The following PTPRN2 variants were observed in gnomAD, a reference collection of about 807,000 sequenced individuals.
The protein encoded by PTPRN2 is protein tyrosine phosphatase receptor type N2.
PTPRN2 carries 74 observed loss-of-function variants against 118.8 expected under a neutral mutation model. The observed-to-expected ratio is 0.62, with a 90% CI of 0.52 to 0.76. The LOEUF is 0.76. Among genes scored for constraint, PTPRN2 ranks in the 30% least tolerant of loss-of-function variants. The probability of loss-of-function intolerance (pLI) is 0.00; values close to 1 mark genes in which losing one functional copy is unlikely to be tolerated. For missense variants in PTPRN2, 1,481 were observed against 1,394.4 expected (o/e 1.06, Z -0.99); for synonymous variants, 641 against 608.0 (o/e 1.05, Z -0.80).
At chr7:158,048,813 A>C (rs1304709391) in intron 11 of PTPRN2, among the ~76,000 whole-genome samples, 4 of 151,914 alleles carry the variant, frequency 2.6e-5, no homozygotes, top group African/African-American at 9.7e-5. Flanking sequence ...CACCATCACT[A>C]TCATCATCAC....
chr7:158,190,971 C>T (rs1292619272), intron 5 of PTPRN2, among the ~76,000 whole-genome samples: 1 of 152,264 alleles, frequency 6.6e-6, no homozygotes, highest in Non-Finnish European at 1.5e-5. Context: ...CCTGCTAAGA[C>T]ACAGAAGTGC....
At chr7:158,304,767 C>T (rs1290962203) in intron 3 of PTPRN2, among the ~76,000 whole-genome samples, 1 of 152,092 alleles carries the variant, frequency 6.6e-6, no homozygotes, top group Non-Finnish European at 1.5e-5. Flanking sequence ...TTTTATTATG[C>T]AGATGAAGCC....
At chr7:158,515,752 C>T (rs570501398) in intron 1 of PTPRN2, among the ~76,000 whole-genome samples, 4 of 152,240 alleles carry the variant, frequency 2.6e-5, no homozygotes, top group African/African-American at 7.2e-5. Flanking sequence ...CTTTCCTTGG[C>T]TTGTTTTCAC....
At chr7:158,365,789 A>C (rs552089467) in intron 2 of PTPRN2, among the ~76,000 whole-genome samples, 2 of 142,024 alleles carry the variant, frequency 1.4e-5, no homozygotes, top group African/African-American at 2.7e-5. Context: ...ACACACACCC[A>C]CACACACACA....
intron 1 of PTPRN2, among the ~76,000 whole-genome samples, chr7:158,545,887 T>C (rs1019524756): frequency 3.3e-5 from 5 of 152,098 alleles, no homozygotes; most frequent in African/African-American, 1.2e-4. Context: ...TAGTCCCAGC[T>C]ACTCAGGAGG....
At chr7:157,921,896 T>A (rs1798710353) in intron 11 of PTPRN2, among the ~76,000 whole-genome samples, 1 of 152,210 alleles carries the variant, frequency 6.6e-6, no homozygotes, top group Non-Finnish European at 1.5e-5. Context: ...GCTCATCAAC[T>A]GTGACAAACA....
chr7:157,636,808 C>T (rs1804348736), intron 14 of PTPRN2, among the ~76,000 whole-genome samples: 1 of 152,308 alleles, frequency 6.6e-6, no homozygotes, highest in African/African-American at 2.4e-5. Flanking sequence ...TTTTCCCGTC[C>T]ATTTTAAACC....
At chr7:158,020,736 G>GT (rs1806814313) in intron 11 of PTPRN2, among the ~76,000 whole-genome samples, 1 of 152,212 alleles carries the variant, frequency 6.6e-6, no homozygotes, top group Non-Finnish European at 1.5e-5. Context: ...AACGGAATAG[G>GT]TAAGAAAGAC....
intron 2 of PTPRN2, among the ~76,000 whole-genome samples, chr7:158,405,544 C>A (rs572754831): frequency 2.4e-4 from 37 of 152,364 alleles, no homozygotes; most frequent in African/African-American, 8.2e-4. Flanking sequence ...AACAAAGCCT[C>A]CGCAAGCTTG....
rs117107387 is a variant in PTPRN2 at position 157,591,535 on chromosome 7, G to A, written c.2496+3703C>T. 3.3e-5 allele frequency among the ~76,000 whole-genome samples: 5 copies of A among 152,326 alleles called. No individual in the cohort carries two copies. The East Asian group carries it at 7.7e-4, about 24-fold the overall frequency. ...TTTGTCCTTAAAAATACACGTTACC[G>A]TGGGTTTGGAAAAGTTCTGCCTTCC... is the stretch of plus-strand genomic sequence containing the variant. On this transcript the variant is annotated intron_variant, in intron 17 of 22. Transcript: ENST00000389418. The surrounding 1 kb of genome is among the most constrained non-coding windows in gnomAD (Gnocchi z 4.4).
At chr7:158,255,199 C>A (rs1586000453) in intron 3 of PTPRN2, among the ~76,000 whole-genome samples, 1 of 152,204 alleles carries the variant, frequency 6.6e-6, no homozygotes, top group Non-Finnish European at 1.5e-5. Flanking sequence ...CAATGATCTA[C>A]CCAACAAGAT....
At position 158,177,494 on chromosome 7, in the gene PTPRN2, GTC is replaced by G. The variant is rs1824321334; in HGVS notation, c.550-10205_550-10204del. Among the ~76,000 whole-genome samples, 6 of 152,224 alleles carry G rather than the reference GTC, an allele frequency of 3.9e-5. No individual in the cohort carries two copies. The South Asian group carries it at 1.2e-3, about 32-fold the overall frequency. On this transcript the variant is annotated intron_variant, in intron 5 of 22. Coordinates refer to ENST00000389418, the MANE Select transcript of PTPRN2 (RefSeq NM_002847.5). ...GTACAGGAGGCATGACAATGAACAC[GTC>G]CGTCACCCTGAATACATTCCGGTGC... is the stretch of plus-strand genomic sequence containing the variant.
intron 13 of PTPRN2, among the ~76,000 whole-genome samples, chr7:157,658,550 C>T (rs1242538271): frequency 6.6e-6 from 1 of 152,216 alleles, no homozygotes; most frequent in Non-Finnish European, 1.5e-5. Flanking sequence ...CGTATGGGAC[C>T]CGCCTGCAGG....
At chr7:157,915,841 T>G (rs1798365313) in intron 11 of PTPRN2, among the ~76,000 whole-genome samples, 1 of 152,208 alleles carries the variant, frequency 6.6e-6, no homozygotes, top group African/African-American at 2.4e-5. Context: ...TGTCCTCATA[T>G]TCTCGTAGTT....
chr7:158,520,818 C>G (rs1187369454), intron 1 of PTPRN2, among the ~76,000 whole-genome samples: 1 of 152,214 alleles, frequency 6.6e-6, no homozygotes, highest in Non-Finnish European at 1.5e-5. Context: ...GTGAGCACGT[C>G]CTGGTTTCCA....
intron 2 of PTPRN2, among the ~76,000 whole-genome samples, chr7:158,436,104 G>A (rs1054463399): frequency 6.6e-6 from 1 of 152,162 alleles, no homozygotes; most frequent in African/African-American, 2.4e-5. Context: ...ATGGATCCCT[G>A]ACTTATTAGT....
intron 12 of PTPRN2, among the ~76,000 whole-genome samples, chr7:157,753,012 T>G (rs1801572337): frequency 6.6e-6 from 1 of 152,170 alleles, no homozygotes; most frequent in Non-Finnish European, 1.5e-5. Context: ...GGTCAGGAGA[T>G]GGATTTCTGT....
rs1800999901 is a variant in PTPRN2 at position 157,591,826 on chromosome 7, G to T, written c.2496+3412C>A. ...ATGGCATCGATGGTGGGCAGCTCCT[G>T]TGTTCTGCACAGAGGGATCCCCAGG... On this transcript the variant is annotated intron_variant, in intron 17 of 22. Transcript: ENST00000389418. This position sits in a 1 kb window ranked among gnomAD's most constrained non-coding sequence, Gnocchi z 4.4. Among the ~76,000 whole-genome samples the T allele has an allele frequency of 6.6e-6, 1 of 152,220 alleles. No homozygotes were observed.
intron 2 of PTPRN2, among the ~76,000 whole-genome samples, chr7:158,439,527 G>C (rs994488287): frequency 9.9e-5 from 15 of 152,152 alleles, no homozygotes; most frequent in Admixed American, 3.9e-4. Flanking sequence ...AGGAGAAGGA[G>C]TAAGATGAGG....
Sources: allele counts gnomAD v4.1 joint callset (sites outside exome capture counted in the v4.1 genomes callset), GRCh38; gene constraint gnomAD v4.1.1; non-coding constraint Gnocchi (gnomAD v3.1); transcripts MANE v1.5; gene names NCBI Gene and HGNC (gene_info 2026-07-23, HGNC 2026-07-21).